Variants in RHOJ observed in about 807,000 individuals in gnomAD.
RHOJ encodes the protein ras homolog family member J.
Under a neutral mutation model 23.4 loss-of-function variants are expected in RHOJ, and 11 were observed. The ratio of observed to expected loss-of-function variants is 0.47; its 90% CI spans 0.30 to 0.78. The LOEUF is 0.78. Among genes scored for constraint, RHOJ ranks in the 30% least tolerant of loss-of-function variants. RHOJ has a pLI of 0.08. For missense variants in RHOJ, 254 were observed against 273.4 expected (o/e 0.93, Z 0.50); for synonymous variants, 102 against 102.7 (o/e 0.99, Z 0.04).
chr14:63,205,138 C>A, intron 1 of RHOJ, 91 bp downstream of exon 1: 1 of 1,391,988 alleles, frequency 7.2e-7, no homozygotes, highest in Non-Finnish European at 9.8e-7. Flanking sequence ...TTTCTAATGT[C>A]AGTATTGGGT....
chr14:63,249,367 C>T (rs1228770223), intron 1 of RHOJ, among the ~76,000 whole-genome samples: 2 of 152,180 alleles, frequency 1.3e-5, no homozygotes, highest in African/African-American at 4.8e-5. Flanking sequence ...TACCACCGAG[C>T]AGCCAGCATA....
At chr14:63,232,274 A>G (rs1392591937) in intron 1 of RHOJ, among the ~76,000 whole-genome samples, 1 of 152,218 alleles carries the variant, frequency 6.6e-6, no homozygotes, top group African/African-American at 2.4e-5. Context: ...TTACTTTTTC[A>G]CAAGTCCTTC....
At chr14:63,220,906 T>C (rs747232731) in intron 1 of RHOJ, among the ~76,000 whole-genome samples, 1 of 152,226 alleles carries the variant, frequency 6.6e-6, no homozygotes, top group Admixed American at 6.5e-5. Context: ...CGGAATTTTT[T>C]ACTAAAGAAT....
At chr14:63,233,878 C>T (rs947642354) in intron 1 of RHOJ, among the ~76,000 whole-genome samples, 1 of 152,186 alleles carries the variant, frequency 6.6e-6, no homozygotes, top group Non-Finnish European at 1.5e-5. Flanking sequence ...CATCCAGCAG[C>T]TCCCAACCGT....
At chr14:63,224,464 G>A (rs1254823987) in intron 1 of RHOJ, among the ~76,000 whole-genome samples, 2 of 152,100 alleles carry the variant, frequency 1.3e-5, no homozygotes, top group Admixed American at 6.5e-5. Flanking sequence ...GAGGGGGATC[G>A]GCACAGCCCA....
intron 1 of RHOJ, among the ~76,000 whole-genome samples, chr14:63,229,439 C>G (rs1468129955): frequency 1.3e-5 from 2 of 152,052 alleles, no homozygotes; most frequent in African/African-American, 4.8e-5. Context: ...AATTGGTGGC[C>G]AGGCTGGTCT....
chr14:63,287,753 G>T (rs1882126613), intron 4 of RHOJ, among the ~76,000 whole-genome samples: 1 of 152,062 alleles, frequency 6.6e-6, no homozygotes. Flanking sequence ...TTGAAAATAA[G>T]TCATTTGGGT....
intron 4 of RHOJ, among the ~76,000 whole-genome samples, chr14:63,286,448 G>T (rs1263715961): frequency 2.0e-5 from 3 of 152,182 alleles, no homozygotes; most frequent in African/African-American, 7.2e-5. Flanking sequence ...GGGCAAAGGG[G>T]TCTGGGGAGG....
chr14:63,220,009 A>T (rs1894454229), intron 1 of RHOJ, among the ~76,000 whole-genome samples: 1 of 152,206 alleles, frequency 6.6e-6, no homozygotes, highest in African/African-American at 2.4e-5. Flanking sequence ...AAAAACACTT[A>T]AAATATTTTA....
chr14:63,273,862 G>A lies in RHOJ; in HGVS notation c.237+4694G>A, dbSNP rs763445265. ...GGAGCCAGGTGCAGCCTGGCCAGGC[G>A]CCTGGTTCTGTGGAAGGGTGAACCA... On this transcript the variant is annotated intron_variant, in intron 2 of 4. Coordinates refer to ENST00000316754, the MANE Select transcript of RHOJ (RefSeq NM_020663.5). 8.5e-5 allele frequency among the ~76,000 whole-genome samples: 13 copies of A among 152,312 alleles called. 1 individual carries two copies. Among genetic ancestry groups the A allele is most frequent in the South Asian group, 2.1e-4 (1 of 4,822 alleles).
intron 1 of RHOJ, among the ~76,000 whole-genome samples, chr14:63,233,220 G>A (rs1164198229): frequency 6.6e-6 from 1 of 152,170 alleles, no homozygotes; most frequent in Non-Finnish European, 1.5e-5. Flanking sequence ...CACGAAATAA[G>A]TAACTTCCTG....
At chr14:63,224,490 G>T (rs1894554112) in intron 1 of RHOJ, among the ~76,000 whole-genome samples, 1 of 152,172 alleles carries the variant, frequency 6.6e-6, no homozygotes, top group African/African-American at 2.4e-5. Context: ...CTTAGCTGCA[G>T]TACCAGAAGA....
intron 1 of RHOJ, among the ~76,000 whole-genome samples, chr14:63,215,263 T>A (rs1894330033): frequency 6.8e-6 from 1 of 147,646 alleles, no homozygotes; most frequent in Non-Finnish European, 1.5e-5. Context: ...GAGACAGATC[T>A]TTTGTAACCA....
chr14:63,243,838 C>CT (rs1172707649), intron 1 of RHOJ, among the ~76,000 whole-genome samples: 1 of 151,558 alleles, frequency 6.6e-6, no homozygotes, highest in East Asian at 1.9e-4. Flanking sequence ...GAATGGTGAA[C>CT]TTTTTTTTTA....
intron 4 of RHOJ, among the ~76,000 whole-genome samples, chr14:63,284,837 T>A (rs1882030461): frequency 3.3e-5 from 5 of 152,278 alleles, no homozygotes; most frequent in Admixed American, 1.3e-4. Flanking sequence ...GGAAGTTGTT[T>A]TTTTTCTGTC....
At chr14:63,242,451 C>A (rs774548130) in intron 1 of RHOJ, among the ~76,000 whole-genome samples, 11 of 152,192 alleles carry the variant, frequency 7.2e-5, no homozygotes, top group Non-Finnish European at 1.6e-4. Flanking sequence ...TGACTGTAGT[C>A]CTAGCTACTT....
intron 1 of RHOJ, among the ~76,000 whole-genome samples, chr14:63,215,576 A>G (rs1203779044): frequency 6.6e-6 from 1 of 152,118 alleles, no homozygotes; most frequent in Non-Finnish European, 1.5e-5. Flanking sequence ...CATTTTCTCT[A>G]GGTAGTAAGT....
chr14:63,282,323 C>CAA (rs1881937533), intron 3 of RHOJ, among the ~76,000 whole-genome samples: 1 of 145,888 alleles, frequency 6.9e-6, no homozygotes, highest in Non-Finnish European at 1.5e-5. Flanking sequence ...CACACACACA[C>CAA]AATTAGTAGA....
At chr14:63,232,126 T>C (rs1195474118) in intron 1 of RHOJ, among the ~76,000 whole-genome samples, 2 of 152,174 alleles carry the variant, frequency 1.3e-5, no homozygotes, top group East Asian at 3.8e-4. Flanking sequence ...CTACATTTTA[T>C]TTTTCTTGGG....
Sources: gnomAD v4.1 joint callset for allele counts (sites outside exome capture counted in the v4.1 genomes callset) on GRCh38, gnomAD v4.1.1 for gene constraint, MANE v1.5 for transcripts, NCBI Gene and HGNC (gene_info 2026-07-23, HGNC 2026-07-21) for gene names.